CDH23: variants seen among roughly 807,000 people sequenced by gnomAD.
The protein encoded by CDH23 is cadherin related 23.
A neutral mutation model predicts 317.1 loss-of-function variants in CDH23; 189 were observed. The observed-to-expected ratio is 0.60, with a 90% CI of 0.53 to 0.67. The LOEUF is 0.67. Ranked by LOEUF, CDH23 falls within the 30% of genes least tolerant of loss-of-function variation. The pLI, the probability that CDH23 is intolerant of heterozygous loss-of-function variation, is 0.00. For synonymous variants in CDH23, 1,839 were observed against 1,876.8 expected, an observed-to-expected ratio of 0.98 and a Z score of 0.52; for missense variants, 4,401 against 4,592.4, an observed-to-expected ratio of 0.96 and a Z score of 1.20.
At chr10:71,461,935 C>T (rs557919763) in intron 3 of CDH23, among the ~76,000 whole-genome samples, 1 of 125,304 alleles carries the variant, frequency 8.0e-6, no homozygotes, top group African/African-American at 2.7e-5. Context: ...GGACCGCTGC[C>T]CTGGCCATGC....
At chr10:71,508,286 G>A (rs1853756828) in intron 3 of CDH23, 1 of 152,214 alleles carries the variant, frequency 6.6e-6, no homozygotes, top group Non-Finnish European at 1.5e-5. Flanking sequence ...GATAGGTCAT[G>A]TCCATGAAGT....
chr10:71,636,108 G>A (rs1474348876), intron 11 of CDH23, among the ~76,000 whole-genome samples: 2 of 152,064 alleles, frequency 1.3e-5, no homozygotes, highest in Non-Finnish European at 2.9e-5. Context: ...AGAAATGAGG[G>A]CGAGATAAAG....
intron 6 of CDH23, among the ~76,000 whole-genome samples, chr10:71,552,956 C>T (rs934132402): frequency 6.6e-6 from 1 of 152,124 alleles, no homozygotes; most frequent in African/African-American, 2.4e-5. Flanking sequence ...CTGCAGAAAC[C>T]GTCTGTGTGA....
At chr10:71,457,802 A>G (rs569291812) in intron 3 of CDH23, among the ~76,000 whole-genome samples, 1 of 152,390 alleles carries the variant, frequency 6.6e-6, no homozygotes, top group South Asian at 2.1e-4. Context: ...AGAGTGCTGA[A>G]AATGACTTTG....
At chr10:71,537,824 T>C (rs1456977071) in intron 6 of CDH23, among the ~76,000 whole-genome samples, 2 of 152,158 alleles carry the variant, frequency 1.3e-5, no homozygotes, top group Non-Finnish European at 2.9e-5. Flanking sequence ...CTCCTGACTG[T>C]TTTTGCGATG....
chr10:71,468,734 G>A lies in CDH23; in HGVS notation c.145+22339G>A, dbSNP rs1018039191. On this transcript the variant is annotated intron_variant, in intron 3 of 69. Coordinates refer to ENST00000224721, the MANE Select transcript of CDH23 (RefSeq NM_022124.6). ...CTCCCTTTGTTTATGGTGATTTGTG[G>A]CCCTCTTAACTCGAACACTTGTTCC... 1.4e-4 allele frequency among the ~76,000 whole-genome samples: 21 copies of A among 152,154 alleles called. 1 individual carries two copies. Among genetic ancestry groups the A allele is most frequent in the Admixed American group, 9.8e-4 (15 of 15,284 alleles).
intron 3 of CDH23, among the ~76,000 whole-genome samples, chr10:71,473,432 AC>A (rs1244164446): frequency 6.6e-6 from 1 of 152,162 alleles, no homozygotes; most frequent in Non-Finnish European, 1.5e-5. Context: ...ATATGATGTT[AC>A]GTGCTGGTAT....
At chr10:71,590,887 CAAAAAAAAACA>C (rs1564673867) in intron 9 of CDH23, among the ~76,000 whole-genome samples, 3,333 of 92,784 alleles carry the variant, frequency 0.036, 301 homozygotes, top group East Asian at 0.29. Context: ...AAAAAAAAAA[CAAAAAAAAACA>C]AAAAAAAACA....
chr10:71,503,033 T>C (rs1258497800), intron 3 of CDH23, among the ~76,000 whole-genome samples: 1 of 152,112 alleles, frequency 6.6e-6, no homozygotes, highest in East Asian at 1.9e-4. Flanking sequence ...ATAAGAGTAA[T>C]AACAGTCATC....
intron 9 of CDH23, among the ~76,000 whole-genome samples, chr10:71,584,542 C>CTGTGTGTGTGTGTGTGTG (rs138103081): frequency 0.068 from 9,888 of 145,638 alleles, 426 homozygotes; most frequent in Non-Finnish European, 0.091. Flanking sequence ...GAAGGGAAGT[C>CTGTGTGTGTGTGTGTGTG]TGTGTGTGTG....
chr10:71,707,114 T>C, intron 26 of CDH23, 65 bp downstream of exon 26: 1 of 1,561,598 alleles, frequency 6.4e-7, no homozygotes, highest in East Asian at 2.4e-5. Flanking sequence ...CCCTCCCAGA[T>C]GGACAGCCAG....
At chr10:71,739,804 C>A (rs10762474) in intron 36 of CDH23, 32 bp downstream of exon 36, 7 of 1,583,524 alleles carry the variant, frequency 4.4e-6, no homozygotes, top group South Asian at 1.1e-5. Context: ...ACTGAGAGAC[C>A]ACTGGCTAAG....
intron 3 of CDH23, among the ~76,000 whole-genome samples, chr10:71,480,062 G>A (rs974393101): frequency 1.3e-5 from 2 of 152,000 alleles, no homozygotes; most frequent in African/African-American, 2.4e-5. Flanking sequence ...AGAATCCACC[G>A]TGGCACAGGG....
chr10:71,773,279 G>T, intron 38 of CDH23: 1 of 1,462,446 alleles, frequency 6.8e-7, no homozygotes, highest in Non-Finnish European at 9.3e-7. Context: ...CCCCCAGGAC[G>T]CCCCCATCCC....
chr10:71,556,455 T>G (rs374911998), intron 6 of CDH23, among the ~76,000 whole-genome samples: 23 of 151,870 alleles, frequency 1.5e-4, no homozygotes, highest in African/African-American at 5.3e-4. Context: ...ACAAAAATTA[T>G]CTGATCATGG....
At chr10:71,670,281 A>G (rs538508576) in intron 14 of CDH23, among the ~76,000 whole-genome samples, 1 of 152,224 alleles carries the variant, frequency 6.6e-6, no homozygotes, top group Non-Finnish European at 1.5e-5. Flanking sequence ...CACAGAAGGA[A>G]GGTTATGCTG....
At chr10:71,552,884 T>A (rs1246597719) in intron 6 of CDH23, among the ~76,000 whole-genome samples, 1 of 152,096 alleles carries the variant, frequency 6.6e-6, no homozygotes, top group Admixed American at 6.5e-5. Flanking sequence ...GCATCCATGT[T>A]TGGACAAGGT....
Position 71,811,407 on chromosome 10 carries a change from G to A in CDH23, c.9170G>A (p.Arg3057Gln), listed in dbSNP as rs372141384. ...GACGTGCAGCCTGCCATCTCTGTCC[G>A]GCTGCCGGATGACATGTCTGCCCTG... ...VLDVQPAISV[R>Q]LPDDMSALQM... is the part of the protein sequence containing the mutation. Residue 3057 changes from arginine (R) to glutamine (Q), a missense_variant, in exon 63 of 70, where the codon CGG becomes CAG. Around this residue, in one of 3 missense-constraint regions of CDH23, gnomAD observed 1,144 missense variants for 1,138.2 expected, o/e 1.01. Coordinates refer to ENST00000224721, the MANE Select transcript of CDH23 (RefSeq NM_022124.6). 3.9e-5 allele frequency: 63 copies of A among 1,613,930 alleles called. 1 individual carries two copies. The South Asian group carries it at 4.3e-4, about 11-fold the overall frequency.
intron 19 of CDH23, 65 bp from the exon 20 acceptor site, chr10:71,690,403 G>A: frequency 8.2e-7 from 1 of 1,216,502 alleles, no homozygotes; most frequent in Non-Finnish European, 1.2e-6. Context: ...TCCCAGGGCT[G>A]GGGCCTTGAA....
Sources: gnomAD v4.1 joint callset for allele counts (sites outside exome capture counted in the v4.1 genomes callset) on GRCh38, gnomAD v4.1.1 for gene constraint, gnomAD v4.1.1 regional missense constraint, MANE v1.5 for transcripts, NCBI Gene and HGNC (gene_info 2026-07-23, HGNC 2026-07-21) for gene names.